Variants in BBS12 observed in about 807,000 individuals in gnomAD.
The protein encoded by BBS12 is Bardet-Biedl syndrome 12.
A neutral mutation model predicts 5.6 loss-of-function variants in BBS12; 5 were observed. The observed-to-expected ratio is 0.89, with a 90% CI of 0.46 to 1.86. The LOEUF (loss-of-function observed/expected upper bound fraction) is 1.86. Ranked by LOEUF, BBS12 falls within the 40% of genes most tolerant of loss-of-function variation. The pLI, the probability that BBS12 is intolerant of heterozygous loss-of-function variation, is 0.01. For missense variants in BBS12, 748 were observed against 830.4 expected (o/e 0.90, Z 1.22); for synonymous variants, 308 against 306.8 (o/e 1.00, Z -0.04).
Position 122,742,891 on chromosome 4 carries a change from A to G in BBS12, c.999A>G (p.Gly333=). The G allele has an allele frequency of 6.2e-7, 1 of 1,614,240 alleles. No homozygotes were observed. The highest frequency in any genetic ancestry group is 1.1e-5 in the South Asian group (1 of 91,076). The part of the protein sequence containing the change: ...LPETSSCVCP[G]YITVVSVSNN... ...AAACTTCTTCTTGTGTTTGTCCAGG[A>G]TATATCACTGTTGTGTCAGTATCTA... Residue 333 remains glycine, a synonymous_variant, in exon 2 of 2, where the codon GGA becomes GGG. Transcript: ENST00000314218.
At chr4:122,717,662 T>C in the BBS12 span, among the ~76,000 whole-genome samples, 1 of 152,186 alleles carries the variant, frequency 6.6e-6, no homozygotes. Flanking sequence ...CCTGAGTAGC[T>C]GGGACCACAG....
the BBS12 span, among the ~76,000 whole-genome samples, chr4:122,707,618 G>T: frequency 0.026 from 3,995 of 152,174 alleles, 184 homozygotes; most frequent in African/African-American, 0.087. Flanking sequence ...ACACGTTGTT[G>T]AGTGGCTCAG....
chr4:122,701,336 T>A, the BBS12 span, among the ~76,000 whole-genome samples: 1 of 152,246 alleles, frequency 6.6e-6, no homozygotes, highest in African/African-American at 2.4e-5. Flanking sequence ...TGATGAATCA[T>A]AGAAGAATTT....
At chr4:122,714,918 A>G in the BBS12 span, among the ~76,000 whole-genome samples, 1 of 152,140 alleles carries the variant, frequency 6.6e-6, no homozygotes, top group Non-Finnish European at 1.5e-5. Flanking sequence ...ATGACAATAC[A>G]TGTCTATCAT....
At position 122,743,259 on chromosome 4, in the gene BBS12, A is replaced by G. The variant is rs551477360; in HGVS notation, c.1367A>G (p.Tyr456Cys). The G allele has an allele frequency of 6.2e-7, 1 of 1,614,128 alleles. No homozygotes were observed. ...AEAAGAVQVA[Y>C]ITQVNEDCVG... ...GCTGCAGGAGCAGTACAGGTGGCCT[A>G]CATTACACAAGTGAATGAAGATTGT... Residue 456 changes from tyrosine to cysteine, a missense_variant, in exon 2 of 2, where the codon TAC becomes TGC. Tyr to Cys is a radical substitution (Grantham distance 194, BLOSUM62 -2). Coordinates refer to ENST00000314218, the MANE Select transcript of BBS12 (RefSeq NM_152618.3).
At chr4:122,736,962 A>T (rs747810767) in intron 1 of BBS12, among the ~76,000 whole-genome samples, 36 of 152,344 alleles carry the variant, frequency 2.4e-4, no homozygotes, top group African/African-American at 7.2e-4. Flanking sequence ...TTTGTCTTGA[A>T]TATTGATTTT....
the BBS12 span, among the ~76,000 whole-genome samples, chr4:122,706,620 C>A: frequency 7.9e-5 from 12 of 152,090 alleles, no homozygotes; most frequent in African/African-American, 2.9e-4. Flanking sequence ...TTCATGATTT[C>A]TTTGGGAAAA....
At chr4:122,700,721 T>G in the BBS12 span, among the ~76,000 whole-genome samples, 1 of 152,166 alleles carries the variant, frequency 6.6e-6, no homozygotes, top group African/African-American at 2.4e-5. Context: ...TGTTAGGTAA[T>G]GAAGGAGGAT....
At chr4:122,707,446 A>G in the BBS12 span, among the ~76,000 whole-genome samples, 1 of 152,318 alleles carries the variant, frequency 6.6e-6, no homozygotes, top group African/African-American at 2.4e-5. Flanking sequence ...ATATAGATCT[A>G]TATATCACAT....
chr4:122,716,493 AG>A, the BBS12 span, among the ~76,000 whole-genome samples: 4 of 151,330 alleles, frequency 2.6e-5, no homozygotes, highest in African/African-American at 9.7e-5. Flanking sequence ...AAATTGGATT[AG>A]AAAAAAAGTT....
the BBS12 span, among the ~76,000 whole-genome samples, chr4:122,703,497 G>T: frequency 6.6e-6 from 1 of 152,172 alleles, no homozygotes; most frequent in African/African-American, 2.4e-5. Flanking sequence ...AGCTATGATG[G>T]TGCCACTGCA....
the BBS12 span, among the ~76,000 whole-genome samples, chr4:122,717,582 CG>C: frequency 2.6e-5 from 4 of 152,090 alleles, no homozygotes; most frequent in Non-Finnish European, 4.4e-5. Context: ...CAGGCTGGAG[CG>C]CAGTGGCGTG....
At chr4:122,734,777 A>G (rs568807631) in intron 1 of BBS12, among the ~76,000 whole-genome samples, 1 of 152,170 alleles carries the variant, frequency 6.6e-6, no homozygotes, top group Non-Finnish European at 1.5e-5. Context: ...GCTAGTTAAA[A>G]TGTTTTTTTA....
At chr4:122,703,525 G>A in the BBS12 span, among the ~76,000 whole-genome samples, 1 of 152,162 alleles carries the variant, frequency 6.6e-6, no homozygotes, top group African/African-American at 2.4e-5. Context: ...CTGGGCAACA[G>A]AGTGAGATCC....
chr4:122,739,499 C>T (rs889559650), intron 1 of BBS12, among the ~76,000 whole-genome samples: 25 of 152,222 alleles, frequency 1.6e-4, no homozygotes, highest in Non-Finnish European at 3.1e-4. Flanking sequence ...TCATGAATGA[C>T]CAGTGAAAAG....
At chr4:122,738,743 A>G (rs1184264134) in intron 1 of BBS12, among the ~76,000 whole-genome samples, 1 of 152,242 alleles carries the variant, frequency 6.6e-6, no homozygotes, top group Non-Finnish European at 1.5e-5. Flanking sequence ...ACAAATGGCC[A>G]ATGCACATGA....
At chr4:122,717,583 G>A in the BBS12 span, among the ~76,000 whole-genome samples, 23 of 152,196 alleles carry the variant, frequency 1.5e-4, no homozygotes, top group South Asian at 8.3e-4. Flanking sequence ...AGGCTGGAGC[G>A]CAGTGGCGTG....
chr4:122,714,440 C>A, the BBS12 span, among the ~76,000 whole-genome samples: 4 of 152,066 alleles, frequency 2.6e-5, no homozygotes, highest in East Asian at 7.7e-4. Flanking sequence ...TCCAAGAAGA[C>A]AAAATACAAA....
chr4:122,726,639 C>T, the BBS12 span, among the ~76,000 whole-genome samples: 1 of 146,848 alleles, frequency 6.8e-6, no homozygotes, highest in Non-Finnish European at 1.5e-5. Context: ...GCAACAGATA[C>T]TTGCACATCC....
Sources: gnomAD v4.1 joint callset for allele counts (sites outside exome capture counted in the v4.1 genomes callset) on GRCh38, gnomAD v4.1.1 for gene constraint, MANE v1.5 for transcripts, NCBI Gene and HGNC (gene_info 2026-07-23, HGNC 2026-07-21) for gene names.